PLEKHH1: variants seen among roughly 807,000 people sequenced by gnomAD.
PLEKHH1 encodes pleckstrin homology domain-containing family H member 1.
In PLEKHH1, 104 loss-of-function variants were observed where a neutral mutation model predicts 160.0. That is an observed-to-expected ratio of 0.65 (90% CI 0.55 to 0.76). PLEKHH1 has a LOEUF of 0.76. PLEKHH1 is among the 30% of genes least tolerant of loss of function. PLEKHH1 has a pLI of 0.00. For missense variants in PLEKHH1, 1,427 were observed against 1,724.1 expected (o/e 0.83, Z 3.05); for synonymous variants, 619 against 678.4 (o/e 0.91, Z 1.36).
chr14:67,578,569 C>T lies in PLEKHH1; in HGVS notation c.2787C>T (p.Phe929=). Reference sequence around the variant, plus strand: ...TCCTCGCTCTGTGTGCTCCACTTTTCCTGCCTCAGCATCACTTCCTCTGGT... The same window carrying T: ...TCCTCGCTCTGTGTGCTCCACTTTTTCTGCCTCAGCATCACTTCCTCTGGT... ...WQLLALCAPL[F]LPQHHFLWYV... The change falls in exon 20 of 29, where the codon TTC becomes TTT. Residue 929 remains phenylalanine (F), a synonymous_variant. Coordinates refer to ENST00000329153, the MANE Select transcript of PLEKHH1 (RefSeq NM_020715.3). The surrounding 1 kb of genome is among the most constrained non-coding windows in gnomAD (Gnocchi z 5.0). The T allele has an allele frequency of 1.9e-6, 3 of 1,612,152 alleles. No homozygotes were observed. Among genetic ancestry groups the T allele is most frequent in the Non-Finnish European group, 2.5e-6 (3 of 1,179,266 alleles).
chr14:67,561,538 T>A (rs1215680576), intron 5 of PLEKHH1, among the ~76,000 whole-genome samples: 1 of 151,806 alleles, frequency 6.6e-6, no homozygotes, highest in Non-Finnish European at 1.5e-5. Context: ...CACTCCAGCC[T>A]GGGTGATAGA....
At chr14:67,557,457 G>A (rs374083828) in intron 4 of PLEKHH1, 39 bp downstream of exon 4, 33 of 1,597,266 alleles carry the variant, frequency 2.1e-5, no homozygotes, top group Non-Finnish European at 2.6e-5. Context: ...TGCCCTCTTC[G>A]ACATCTGTAC....
chr14:67,579,935 G>C, intron 22 of PLEKHH1, 59 bp downstream of exon 22: 1 of 1,488,334 alleles, frequency 6.7e-7, no homozygotes, highest in Non-Finnish European at 9.1e-7. Flanking sequence ...TTGGTGGTGG[G>C]GAAAGAGCCC....
rs1408527510 is a variant in PLEKHH1 at position 67,574,146 on chromosome 14, C to T, written c.1927-96C>T. 5 of 1,128,868 alleles carry T rather than the reference C, an allele frequency of 4.4e-6. No homozygotes were observed. Among genetic ancestry groups the T allele is most frequent in the Non-Finnish European group, 6.2e-6 (5 of 802,652 alleles). 69.9% of individuals were successfully genotyped at this position (1,128,868 alleles called of 1,614,324 possible). ...GCACTAGGGCAGGCAGAAGGCCAGCCCCTTGGGTTCAGGGACAGGTGCCAC... is the reference window on the plus strand; with the variant it reads ...GCACTAGGGCAGGCAGAAGGCCAGCTCCTTGGGTTCAGGGACAGGTGCCAC... On this transcript the variant is annotated intron_variant, in intron 13 of 28. Coordinates refer to ENST00000329153, the MANE Select transcript of PLEKHH1 (RefSeq NM_020715.3). This position sits in a 1 kb window ranked among gnomAD's most constrained non-coding sequence, Gnocchi z 4.2.
rs369216703 is a variant in PLEKHH1, at chr14:67,556,559, A to G, written c.189+672A>G. 5.3e-5 allele frequency among the ~76,000 whole-genome samples: 8 copies of G among 152,256 alleles called. No individual in the cohort carries two copies. The East Asian group carries it at 1.5e-3, about 29-fold the overall frequency. ...CTCCCAAAGTGCTGGGATTACAGGT[A>G]TGAGCCACCACACCCACCCTGCACC... On this transcript the variant is annotated intron_variant, in intron 3 of 28. Coordinates refer to ENST00000329153, the MANE Select transcript of PLEKHH1 (RefSeq NM_020715.3).
chr14:67,560,043 T>C (rs1184908544), intron 5 of PLEKHH1, among the ~76,000 whole-genome samples: 1 of 152,220 alleles, frequency 6.6e-6, no homozygotes, highest in Non-Finnish European at 1.5e-5. Context: ...ATTTATTTAT[T>C]GGAGACAGAG....
chr14:67,575,915 C>G lies in PLEKHH1; in HGVS notation c.2262C>G (p.Thr754=), dbSNP rs775482648. ...DSDEDYEAGG[T]RRLLSSHCTL... is the part of the protein sequence containing the mutation. ...ACGAGGACTATGAGGCTGGAGGAAC[C>G]AGACGGTTGCTTTCCTCCCACTGCA... Residue 754 remains threonine (T), a synonymous_variant, in exon 16 of 29, where the codon ACC becomes ACG. Coordinates refer to ENST00000329153, the MANE Select transcript of PLEKHH1 (RefSeq NM_020715.3). 1 of 1,613,684 alleles carries G rather than the reference C, an allele frequency of 6.2e-7. No homozygotes were observed. Among genetic ancestry groups the G allele is most frequent in the Non-Finnish European group, 8.5e-7 (1 of 1,179,628 alleles).
chr14:67,544,444 A>G (rs1405202961), intron 2 of PLEKHH1, among the ~76,000 whole-genome samples: 1 of 152,242 alleles, frequency 6.6e-6, no homozygotes, highest in Non-Finnish European at 1.5e-5. Flanking sequence ...ACAGAAAAAA[A>G]GCCTTAATGA....
intron 11 of PLEKHH1, among the ~76,000 whole-genome samples, chr14:67,572,641 T>C (rs2035444669): frequency 6.6e-6 from 1 of 152,176 alleles, no homozygotes; most frequent in Non-Finnish European, 1.5e-5. Context: ...GTGCTCAGTT[T>C]CCAGGCATTG....
chr14:67,565,150 G>A lies in PLEKHH1; in HGVS notation c.1263+2256G>A, dbSNP rs2035030427. On this transcript the variant is annotated intron_variant, in intron 7 of 28. Coordinates refer to ENST00000329153, the MANE Select transcript of PLEKHH1 (RefSeq NM_020715.3). ...CTTTCCTTGCAAGGAGTAAGGTGTG[G>A]TTTCTCCCTTTTACAGGTCAGGAAA... Among the ~76,000 whole-genome samples, 4 of 152,186 alleles carry A rather than the reference G, an allele frequency of 2.6e-5. 1 individual carries two copies. The South Asian group carries it at 8.3e-4, about 32-fold the overall frequency.
intron 20 of PLEKHH1, 55 bp from the exon 21 acceptor site, chr14:67,579,079 C>T (rs1038307797): frequency 5.1e-5 from 67 of 1,315,156 alleles, no homozygotes; most frequent in Non-Finnish European, 3.3e-5. Context: ...ATCCGGGGTG[C>T]CAAAGTGGCA....
intron 9 of PLEKHH1, chr14:67,571,290 T>C (rs2035361990): frequency 6.2e-6 from 1 of 162,050 alleles, no homozygotes; most frequent in South Asian, 1.7e-4. Context: ...CTTCTAAAAA[T>C]GCCTTACACA....
At chr14:67,580,032 AT>A in intron 22 of PLEKHH1, 156 bp downstream of exon 22, 1 of 667,046 alleles carries the variant, frequency 1.5e-6, no homozygotes, top group South Asian at 2.0e-5. Context: ...CCATCCTAAA[AT>A]GTACCTGGGC....
At chr14:67,572,763 A>G (rs1342215683) in intron 11 of PLEKHH1, among the ~76,000 whole-genome samples, 1 of 152,012 alleles carries the variant, frequency 6.6e-6, no homozygotes, top group African/African-American at 2.4e-5. Context: ...CTCCCGATGT[A>G]ATTCCGCATC....
chr14:67,587,004 T>C (rs916175843), intron 28 of PLEKHH1, 70 bp from the exon 29 acceptor site: 2 of 1,528,318 alleles, frequency 1.3e-6, no homozygotes, highest in South Asian at 1.2e-5. Flanking sequence ...GCATAAGAGC[T>C]AATAAGTAAG....
intron 3 of PLEKHH1, among the ~76,000 whole-genome samples, chr14:67,556,866 A>G (rs2034615159): frequency 1.3e-5 from 2 of 152,186 alleles, no homozygotes; most frequent in East Asian, 3.8e-4. Context: ...GGGTCAGCAC[A>G]TGGCTGTCCA....
intron 4 of PLEKHH1, among the ~76,000 whole-genome samples, chr14:67,558,111 T>C (rs552568726): frequency 6.6e-6 from 1 of 152,332 alleles, no homozygotes; most frequent in East Asian, 1.9e-4. Context: ...TTCTGGAACA[T>C]CTACCTGCCA....
Position 67,578,251 on chromosome 14 carries a change from CAGGTGGGAA to C in PLEKHH1, c.2751+61_2751+69del, listed in dbSNP as rs1027826809. ...GACAGAAGCCATTGGCAAGGGCTGCCAGGTGGGAAAGGTGGGAGGAGGTGACTGGGCAGG... is the reference window on the plus strand; with the variant it reads ...GACAGAAGCCATTGGCAAGGGCTGCCAGGTGGGAGGAGGTGACTGGGCAGG... On this transcript the variant is annotated intron_variant, in intron 19 of 28. Coordinates refer to ENST00000329153, the MANE Select transcript of PLEKHH1 (RefSeq NM_020715.3). This position sits in a 1 kb window ranked among gnomAD's most constrained non-coding sequence, Gnocchi z 5.0. 11 of 1,535,756 alleles carry C rather than the reference CAGGTGGGAA, an allele frequency of 7.2e-6. No homozygotes were observed. Among genetic ancestry groups the C allele is most frequent in the Non-Finnish European group, 9.9e-6 (11 of 1,115,442 alleles).
rs2034893387 is a variant in PLEKHH1, at chr14:67,562,605, T to G, written c.974T>G (p.Ile325Ser). The change falls in exon 7 of 29, where the codon ATC becomes AGC. Residue 325 changes from isoleucine (I) to serine (S), a missense_variant. This residue lies in a region of PLEKHH1 where 831 missense variants were observed against 929.2 expected (regional missense o/e 0.89). Transcript: ENST00000329153. ...VRAPGTPRDS[I>S]QLAKRHHSQP... is the part of the protein sequence containing the mutation. ...GCTCCTGGCACCCCGCGGGACAGCA[T>G]CCAGTTGGCCAAAAGGCACCACAGC... 1.2e-6 allele frequency: 2 copies of G among 1,612,954 alleles called. No individual in the cohort carries two copies. The highest frequency in any genetic ancestry group is 8.5e-7 in the Non-Finnish European group (1 of 1,179,514).
Sources: gnomAD v4.1 joint callset for allele counts (sites outside exome capture counted in the v4.1 genomes callset) on GRCh38, gnomAD v4.1.1 for gene constraint, gnomAD v4.1.1 regional missense constraint, Gnocchi (gnomAD v3.1) non-coding constraint, MANE v1.5 for transcripts, NCBI Gene and HGNC (gene_info 2026-07-23, HGNC 2026-07-21) for gene names.